The following ABCA9 variants were observed in gnomAD, a reference collection of about 807,000 sequenced individuals.
ABCA9 encodes the protein ATP binding cassette subfamily A member 9.
ABCA9 carries 183 observed loss-of-function variants against 205.3 expected under a neutral mutation model. The observed-to-expected ratio is 0.89, with a 90% confidence interval of 0.79 to 1.01. The LOEUF (loss-of-function observed/expected upper bound fraction) is 1.01. Ranked by LOEUF, ABCA9 falls within the 50% of genes least tolerant of loss-of-function variation. ABCA9 has a pLI of 0.00. For synonymous variants in ABCA9, 651 were observed against 683.3 expected (o/e 0.95, Z 0.74); for missense variants, 1,805 against 1,912.4 (o/e 0.94, Z 1.05).
chr17:68,996,246 A>G (rs2069620703), intron 25 of ABCA9, among the ~76,000 whole-genome samples: 1 of 152,224 alleles, frequency 6.6e-6, no homozygotes, highest in African/African-American at 2.4e-5. Context: ...TCAATGGCAT[A>G]CAAATCAGGT....
chr17:69,021,793 A>G lies in ABCA9; in HGVS notation c.2350T>C (p.Leu784=). The G allele has an allele frequency of 6.3e-7, 1 of 1,596,590 alleles. No individual in the cohort carries two copies. The highest frequency in any genetic ancestry group is 8.5e-7 in the Non-Finnish European group (1 of 1,170,884). The change falls in exon 18 of 39, where the codon TTG becomes CTG. Residue 784 remains leucine, a synonymous_variant. Transcript: ENST00000340001. ...IEDYGVSITT[L]NEVFLKLEGK... Reference sequence around the variant, plus strand: ...TCTAATTTCAGAAACACCTCATTCAAAGTTGTTATGGAAACACCATAATCC... The same window carrying G: ...TCTAATTTCAGAAACACCTCATTCAGAGTTGTTATGGAAACACCATAATCC...
intron 11 of ABCA9, 125 bp downstream of exon 11, chr17:69,029,044 A>G (rs907696515): frequency 2.0e-6 from 1 of 504,918 alleles, no homozygotes; most frequent in Middle Eastern, 4.4e-4. Context: ...TGAAGGAAAC[A>G]TAATGTGTTC....
In ABCA9 at chr17:69,029,202, C is replaced by T. The variant is rs148542361; in HGVS notation, c.1471G>A (p.Ala491Thr). 1.8e-3 allele frequency: 2,763 copies of T among 1,561,146 alleles called. 12 individuals are homozygous for T. The highest frequency in any genetic ancestry group is 2.2e-3 in the Middle Eastern group (13 of 5,804). ...IRIKNLKKEY[A>T]GKCERVEALK... ...GCTTCTACTCTCTCACACTTCCCTG[C>T]ATATTCTTTTTTAAGATTTTTGATT... The change falls in exon 11 of 39, where the codon GCA becomes ACA. Residue 491 changes from alanine to threonine, a missense_variant. Coordinates refer to ENST00000340001, the MANE Select transcript of ABCA9 (RefSeq NM_080283.4).
At chr17:69,018,037 AAC>A in intron 20 of ABCA9, 1 of 449,180 alleles carries the variant, frequency 2.2e-6, no homozygotes, top group African/African-American at 2.0e-5. Flanking sequence ...AATTGCTGTT[AAC>A]ATTATAATCC....
intron 6 of ABCA9, among the ~76,000 whole-genome samples, chr17:69,038,106 A>T (rs1346947509): frequency 6.6e-6 from 1 of 152,172 alleles, no homozygotes; most frequent in African/African-American, 2.4e-5. Context: ...GCTCAGGACC[A>T]AACAGATTCA....
chr17:69,010,175 TAAA>T (rs372004651), intron 23 of ABCA9, among the ~76,000 whole-genome samples: 1 of 143,214 alleles, frequency 7.0e-6, no homozygotes, highest in African/African-American at 2.6e-5. Context: ...GACAGTTAAT[TAAA>T]AAAAAAAAAA....
At chr17:69,026,874 G>T in intron 15 of ABCA9, 102 bp downstream of exon 15, 3 of 1,405,994 alleles carry the variant, frequency 2.1e-6, no homozygotes, top group Non-Finnish European at 1.9e-6. Context: ...CCTGTCTTGG[G>T]CCATGGCAGT....
At chr17:69,051,900 A>T (rs2071912106) in intron 1 of ABCA9, 1 of 152,356 alleles carries the variant, frequency 6.6e-6, no homozygotes, top group Non-Finnish European at 1.5e-5. Flanking sequence ...TACAATAAAA[A>T]GGTTATCTTT....
intron 37 of ABCA9, among the ~76,000 whole-genome samples, chr17:68,979,338 C>T (rs1280008118): frequency 3.9e-5 from 6 of 152,090 alleles, no homozygotes; most frequent in South Asian, 4.2e-4. Context: ...GAATCAACAA[C>T]GTGAAAATGA....
At chr17:68,994,596 T>G (rs567962011) in intron 26 of ABCA9, among the ~76,000 whole-genome samples, 1 of 152,158 alleles carries the variant, frequency 6.6e-6, no homozygotes, top group Non-Finnish European at 1.5e-5. Flanking sequence ...CAAGCCCCCT[T>G]GGCCAAGTTA....
chr17:68,996,047 G>C, intron 25 of ABCA9, 33 bp from the exon 26 acceptor site: 1 of 1,599,852 alleles, frequency 6.3e-7, no homozygotes, highest in Non-Finnish European at 8.5e-7. Context: ...CGTCATTAAA[G>C]TGTACCAATC....
At chr17:69,027,506 A>G (rs1198285261) in intron 13 of ABCA9, 57 bp from the exon 14 acceptor site, 4 of 1,574,778 alleles carry the variant, frequency 2.5e-6, no homozygotes, top group East Asian at 2.2e-5. Context: ...TAAAAACACT[A>G]TCATTTTTCT....
At chr17:69,071,297 G>C in the ABCA9 span, among the ~76,000 whole-genome samples, 2 of 152,210 alleles carry the variant, frequency 1.3e-5, no homozygotes. Flanking sequence ...TTCTGACAGA[G>C]AGACAACTCC....
At chr17:69,054,984 A>G (rs2072025568) in intron 1 of ABCA9, among the ~76,000 whole-genome samples, 1 of 152,168 alleles carries the variant, frequency 6.6e-6, no homozygotes. Context: ...AAAAAAAATG[A>G]GTCTAAATGA....
chr17:69,020,402 T>TTTTC lies in ABCA9; in HGVS notation c.2582_2585dup (p.Ser863LysfsTer13). On this transcript the variant is annotated frameshift_variant, in exon 19 of 39. Coordinates refer to ENST00000340001, the MANE Select transcript of ABCA9 (RefSeq NM_080283.4). LOFTEE classifies it high-confidence loss of function. ...CAGATACTCACATAGTCCACAGGCT[T>TTTTC]TTTCTTTCTTTCTTTAACTTTAGGA... 6.2e-7 allele frequency: 1 copy of TTTTC among 1,613,380 alleles called. No individual in the cohort carries two copies. Among genetic ancestry groups the TTTTC allele is most frequent in the Non-Finnish European group, 8.5e-7 (1 of 1,179,676 alleles).
chr17:68,994,000 C>T (rs142350148), intron 26 of ABCA9, among the ~76,000 whole-genome samples: 60 of 152,184 alleles, frequency 3.9e-4, no homozygotes, highest in African/African-American at 7.9e-4. Context: ...CTCAGCTTCC[C>T]GAGTAGTTTG....
chr17:69,046,823 T>A (rs2071721777), intron 3 of ABCA9, among the ~76,000 whole-genome samples: 1 of 147,732 alleles, frequency 6.8e-6, no homozygotes, highest in Admixed American at 6.8e-5. Context: ...AATGTGAAAT[T>A]CATTTATGTT....
chr17:68,981,466 C>T (rs2069050317), intron 37 of ABCA9, among the ~76,000 whole-genome samples: 1 of 152,094 alleles, frequency 6.6e-6, no homozygotes, highest in Admixed American at 6.5e-5. Context: ...CGGAATCCTT[C>T]CAACTGGAAA....
At position 69,035,316 on chromosome 17, in the gene ABCA9, C is replaced by T. The variant is rs1860447; in HGVS notation, c.1058G>A (p.Arg353His). The T allele has an allele frequency of 0.92, 1,486,534 of 1,607,734 alleles. 690,262 individuals carry two copies. Among genetic ancestry groups the T allele is most frequent in the East Asian group, 1 (44,424 of 44,438 alleles). ...GILGFPALYT[R>H]LPAFLEWTLC... ...AGTCCATTCCAAAAATGCAGGAAGA[C>T]GTGTATACAATGCTGGGAATCCCAG... The change falls in exon 8 of 39, where the codon CGT (arginine) becomes CAT (histidine). Residue 353 changes from arginine (R) to histidine (H), a missense_variant. Arg to His is a conservative substitution (Grantham distance 29). Coordinates refer to ENST00000340001, the MANE Select transcript of ABCA9 (RefSeq NM_080283.4).
Sources: allele counts gnomAD v4.1 joint callset (sites outside exome capture counted in the v4.1 genomes callset), GRCh38; gene constraint gnomAD v4.1.1; transcripts MANE v1.5; gene names NCBI Gene and HGNC (gene_info 2026-07-23, HGNC 2026-07-21).